The following C10orf88 variants were observed in gnomAD, a reference collection of about 807,000 sequenced individuals.
C10orf88 encodes ATPase PAAT.
A neutral mutation model predicts 34.2 loss-of-function variants in C10orf88; 29 were observed. The ratio of observed to expected loss-of-function variants is 0.85; its 90% CI spans 0.63 to 1.16. The LOEUF (loss-of-function observed/expected upper bound fraction) is 1.16, where lower values mean the gene tolerates loss of function less well. C10orf88 is among the 50% of genes most tolerant of loss of function. The probability of loss-of-function intolerance (pLI) is 0.00; values close to 1 mark genes in which losing one functional copy is unlikely to be tolerated. For missense variants in C10orf88, 507 were observed against 533.2 expected (o/e 0.95, Z 0.48); for synonymous variants, 194 against 197.4 (o/e 0.98, Z 0.15).
At chr10:122,942,853 C>T (rs1483604141) in intron 4 of C10orf88, among the ~76,000 whole-genome samples, 31 of 147,114 alleles carry the variant, frequency 2.1e-4, no homozygotes, top group East Asian at 1.6e-3. Context: ...AACTACAAAC[C>T]ACTGCTCAAG....
chr10:122,953,638 G>A (rs1848715026), intron 1 of C10orf88, among the ~76,000 whole-genome samples: 1 of 152,226 alleles, frequency 6.6e-6, no homozygotes, highest in Non-Finnish European at 1.5e-5. Context: ...AAATTAAGTC[G>A]ACAGCGATCA....
chr10:122,951,833 AAG>A (rs1353914200), intron 3 of C10orf88, 119 bp downstream of exon 3: 4 of 658,364 alleles, frequency 6.1e-6, no homozygotes, highest in Non-Finnish European at 1.1e-5. Context: ...CTGTCTTGAA[AAG>A]AAAAAAAAAA....
chr10:122,937,714 A>C lies in C10orf88; in HGVS notation c.1094T>G (p.Leu365Arg), dbSNP rs774652543. The C allele has an allele frequency of 6.2e-7, 1 of 1,602,792 alleles. No individual in the cohort carries two copies. The highest frequency in any genetic ancestry group is 1.1e-5 in the South Asian group (1 of 89,930). Residue 365 changes from leucine (L) to arginine (R), a missense_variant, in exon 5 of 6, where the codon CTT (leucine) becomes CGT (arginine). Physicochemically the swap from Leu to Arg is moderately radical, Grantham distance 102. Transcript: ENST00000481909. ...TTAAAATAATACTTACCCAACACCA[A>C]GAATGCGTTCACCATGCTTGGTGAT... Reference protein sequence around the residue: ...ENITKHGERILGVGMEEQSIC... With the variant: ...ENITKHGERIRGVGMEEQSIC...
At position 122,952,880 on chromosome 10, in the gene C10orf88, T is replaced by C. The variant is rs1222455275; in HGVS notation, c.317A>G (p.Glu106Gly). Residue 106 changes from glutamate (E) to glycine (G), a missense_variant, in exon 2 of 6, where the codon GAG (glutamate) becomes GGG (glycine). Physicochemically the swap from Glu to Gly is moderately conservative, Grantham distance 98. Coordinates refer to ENST00000481909, the MANE Select transcript of C10orf88 (RefSeq NM_024942.4). ...CTTGCCCCTACTGGTTCCACAGTAC[T>C]CCTCTCCTAAGTACACTTCCATATT... is the stretch of plus-strand genomic sequence containing the variant. Reference protein sequence around the residue: ...ARNMEVYLGEEYCGTSRGKNV... With the variant: ...ARNMEVYLGEGYCGTSRGKNV... 6.2e-7 allele frequency: 1 copy of C among 1,614,132 alleles called. No homozygotes were observed. Among genetic ancestry groups the C allele is most frequent in the East Asian group, 2.2e-5 (1 of 44,862 alleles).
At chr10:122,950,229 T>A (rs1347246591) in intron 3 of C10orf88, among the ~76,000 whole-genome samples, 2 of 152,248 alleles carry the variant, frequency 1.3e-5, no homozygotes, top group Admixed American at 6.5e-5. Flanking sequence ...TGATTTCACA[T>A]AGTTGTTGCG....
chr10:122,948,873 T>A lies in C10orf88; in HGVS notation c.442-18A>T. The A allele has an allele frequency of 6.3e-7, 1 of 1,597,430 alleles. No individual in the cohort carries two copies. The highest frequency in any genetic ancestry group is 1.1e-5 in the South Asian group (1 of 90,306). On this transcript the variant is annotated intron_variant, in intron 3 of 5. Transcript: ENST00000481909. ...GAGAGCAACTATTATAAAACAAAAGTTCCAGAAAAGAATGATATTAAAAAC... is the reference window on the plus strand; with the variant it reads ...GAGAGCAACTATTATAAAACAAAAGATCCAGAAAAGAATGATATTAAAAAC...
chr10:122,950,253 A>G (rs1288405635), intron 3 of C10orf88, among the ~76,000 whole-genome samples: 1 of 152,254 alleles, frequency 6.6e-6, no homozygotes, highest in African/African-American at 2.4e-5. Flanking sequence ...ATTATATGTT[A>G]AAATTTCCAG....
chr10:122,941,522 C>A (rs1387520642), intron 4 of C10orf88, among the ~76,000 whole-genome samples: 1 of 152,096 alleles, frequency 6.6e-6, no homozygotes, highest in South Asian at 2.1e-4. Flanking sequence ...TGTGATCACA[C>A]CACTTACACG....
In C10orf88 at chr10:122,938,001, A is replaced by C; in HGVS notation, c.807T>G (p.Thr269=). ...FRTGLTSGNV[T]ENLQTYIDKS... is the part of the protein sequence containing the mutation. ...TATCAATGTAAGTTTGTAAGTTTTC[A>C]GTCACGTTCCCAGATGTCAATCCAG... The change falls in exon 5 of 6, where the codon ACT becomes ACG. Residue 269 remains threonine, a synonymous_variant. Transcript: ENST00000481909. 1 of 1,613,418 alleles carries C rather than the reference A, an allele frequency of 6.2e-7. No homozygotes were observed. The highest frequency in any genetic ancestry group is 8.5e-7 in the Non-Finnish European group (1 of 1,179,506).
intron 1 of C10orf88, 124 bp downstream of exon 1, chr10:122,953,891 A>C: frequency 1.2e-4 from 88 of 729,494 alleles, no homozygotes; most frequent in Middle Eastern, 6.0e-4. Context: ...CTCCCCAACT[A>C]GAGACCTGGT....
chr10:122,948,538 T>C, intron 4 of C10orf88, 111 bp downstream of exon 4: 1 of 950,808 alleles, frequency 1.1e-6, no homozygotes, highest in Non-Finnish European at 1.5e-6. Flanking sequence ...AACTAAAAGA[T>C]AACAGTTAAA....
intron 4 of C10orf88, among the ~76,000 whole-genome samples, chr10:122,945,969 C>T (rs9423290): frequency 0.015 from 2,208 of 151,942 alleles, 33 homozygotes; most frequent in East Asian, 0.072. Context: ...TGGTGGCATG[C>T]GCCTGTAATC....
chr10:122,949,615 G>A (rs1848671702), intron 3 of C10orf88, among the ~76,000 whole-genome samples: 1 of 152,188 alleles, frequency 6.6e-6, no homozygotes, highest in African/African-American at 2.4e-5. Flanking sequence ...TACGCTGAAT[G>A]AAGCACAATT....
intron 4 of C10orf88, among the ~76,000 whole-genome samples, chr10:122,939,107 T>C (rs1848561214): frequency 6.6e-6 from 1 of 152,008 alleles, no homozygotes; most frequent in Non-Finnish European, 1.5e-5. Context: ...AAGTTATTAC[T>C]AGACTAAGCC....
chr10:122,953,130 T>A (rs992478942), intron 1 of C10orf88, 98 bp from the exon 2 acceptor site: 5 of 968,374 alleles, frequency 5.2e-6, no homozygotes, highest in Non-Finnish European at 7.9e-6. Flanking sequence ...CAGGCTGGAA[T>A]GCAGTGGCTC....
intron 4 of C10orf88, among the ~76,000 whole-genome samples, chr10:122,940,747 C>T (rs916666512): frequency 3.3e-5 from 5 of 151,886 alleles, no homozygotes; most frequent in Non-Finnish European, 7.4e-5. Context: ...TGTTAACATG[C>T]TATTAAAAAT....
intron 3 of C10orf88, among the ~76,000 whole-genome samples, chr10:122,949,448 T>C (rs1253791650): frequency 1.3e-5 from 2 of 152,118 alleles, no homozygotes; most frequent in Non-Finnish European, 2.9e-5. Flanking sequence ...GACACAGGCA[T>C]TGTAATACAG....
At position 122,937,996 on chromosome 10, in the gene C10orf88, T is replaced by A; in HGVS notation, c.812A>T (p.Asn271Ile). 2 of 1,613,362 alleles carry A rather than the reference T, an allele frequency of 1.2e-6. No individual in the cohort carries two copies. The highest frequency in any genetic ancestry group is 1.1e-5 in the South Asian group (1 of 91,068). Residue 271 changes from asparagine (N) to isoleucine (I), a missense_variant, in exon 5 of 6, where the codon AAC (asparagine) becomes ATC (isoleucine). Transcript: ENST00000481909. ...TGLTSGNVTE[N>I]LQTYIDKSTQ... ...ACTTTTATCAATGTAAGTTTGTAAGTTTTCAGTCACGTTCCCAGATGTCAA... is the reference window on the plus strand; with the variant it reads ...ACTTTTATCAATGTAAGTTTGTAAGATTTCAGTCACGTTCCCAGATGTCAA...
At chr10:122,940,390 G>A (rs1366898816) in intron 4 of C10orf88, among the ~76,000 whole-genome samples, 1 of 151,910 alleles carries the variant, frequency 6.6e-6, no homozygotes, top group Non-Finnish European at 1.5e-5. Flanking sequence ...TAGAATGGTG[G>A]TTGCTAGGAG....
Sources: gnomAD v4.1 joint callset for allele counts (sites outside exome capture counted in the v4.1 genomes callset) on GRCh38, gnomAD v4.1.1 for gene constraint, MANE v1.5 for transcripts, NCBI Gene and HGNC (gene_info 2026-07-23, HGNC 2026-07-21) for gene names.